Variants in POLR1C observed in about 807,000 individuals in gnomAD.
The protein encoded by POLR1C is DNA-directed RNA polymerases I and III subunit RPAC1.
POLR1C carries 42 observed loss-of-function variants against 38.3 expected under a neutral mutation model. The ratio of observed to expected loss-of-function variants is 1.10; its 90% CI spans 0.86 to 1.42. The LOEUF is 1.42. Among genes scored for constraint, POLR1C ranks in the 40% most tolerant of loss-of-function variants. The pLI, the probability that POLR1C is intolerant of heterozygous loss-of-function variation, is 0.00. For synonymous variants in POLR1C, 163 were observed against 163.9 expected (o/e 0.99, Z 0.04); for missense variants, 507 against 450.5 (o/e 1.13, Z -1.14).
intron 9 of POLR1C, among the ~76,000 whole-genome samples, chr6:43,536,546 C>G (rs570601146): frequency 6.6e-6 from 1 of 151,542 alleles, no homozygotes; most frequent in African/African-American, 2.4e-5. Context: ...ATCACGAGGT[C>G]AGGAGTTCAA....
chr6:43,534,726 G>A (rs968693377), intron 9 of POLR1C, among the ~76,000 whole-genome samples: 5 of 152,106 alleles, frequency 3.3e-5, no homozygotes, highest in Non-Finnish European at 7.3e-5. Context: ...GGCTGGGCTC[G>A]GTGGCTCACG....
chr6:43,533,223 C>CACACAT (rs1327281991), downstream of POLR1C: 2 of 109,018 alleles, frequency 1.8e-5, no homozygotes, highest in Non-Finnish European at 3.4e-5. Context: ...TACACACACA[C>CACACAT]ACACACACAC....
Position 43,546,954 on chromosome 6 carries a change from A to G in POLR1C, c.*5-4014A>G, listed in dbSNP as rs75052393. 9.1e-3 allele frequency among the ~76,000 whole-genome samples: 1,385 copies of G among 152,278 alleles called. 21 individuals carry two copies. The highest frequency in any genetic ancestry group is 0.032 in the African/African-American group (1,341 of 41,558). ...TCCTCTCACTGCCATTTTCAGGGCC[A>G]GTGGTAGGCTCTGGAAACTTCCCTT... On this transcript the variant is annotated intron_variant, in intron 9 of 10. Coordinates refer to the POLR1C transcript ENST00000607635.
exon 11 of POLR1C, chr6:43,562,233 A>C (rs1290898890): frequency 6.3e-7 from 1 of 1,594,832 alleles, no homozygotes; most frequent in Non-Finnish European, 8.5e-7. Context: ...TCCAGAAAGC[A>C]AACACTAGCT....
chr6:43,540,261 C>G (rs903145510), intron 9 of POLR1C, among the ~76,000 whole-genome samples: 1 of 152,132 alleles, frequency 6.6e-6, no homozygotes, highest in Non-Finnish European at 1.5e-5. Flanking sequence ...GGGCGGATCA[C>G]GAGGTCAGGA....
chr6:43,517,185 C>G lies in POLR1C; in HGVS notation c.69+7C>G. ...GGAGTTTGGGGTTCGCAATGTAAGC[C>G]TTGTGGCCTTGAGCTCGGGCGGGAG... is the stretch of plus-strand genomic sequence containing the variant. On this transcript the variant is annotated splice_region_variant and intron_variant, in intron 1 of 8. Transcript: ENST00000642195. 6.2e-7 allele frequency: 1 copy of G among 1,614,010 alleles called. No individual in the cohort carries two copies. Among genetic ancestry groups the G allele is most frequent in the African/African-American group, 1.3e-5 (1 of 75,022 alleles).
chr6:43,525,254 GCA>G (rs748690251), downstream of POLR1C: 12 of 1,535,736 alleles, frequency 7.8e-6, no homozygotes, highest in South Asian at 8.4e-5. Flanking sequence ...GGAAAAAGAA[GCA>G]CAGTTTTCTC....
chr6:43,546,475 T>A, intron 9 of POLR1C: 1 of 1,223,310 alleles, frequency 8.2e-7, no homozygotes. Context: ...CCCTCATTAA[T>A]ACCACTAAGA....
At chr6:43,544,721 T>G (rs570379228) in intron 9 of POLR1C, among the ~76,000 whole-genome samples, 3 of 152,302 alleles carry the variant, frequency 2.0e-5, no homozygotes, top group Non-Finnish European at 4.4e-5. Context: ...GAGACCAGCC[T>G]GGGCAACATG....
downstream of POLR1C, chr6:43,530,912 A>G: frequency 6.8e-7 from 1 of 1,470,770 alleles, no homozygotes; most frequent in Non-Finnish European, 9.0e-7. Context: ...TTTCTAGCCT[A>G]CAATAAGGTT....
At chr6:43,556,712 G>C (rs1047276303) in intron 10 of POLR1C, among the ~76,000 whole-genome samples, 1 of 151,918 alleles carries the variant, frequency 6.6e-6, no homozygotes, top group South Asian at 2.1e-4. Context: ...ACAAAACCTT[G>C]TATATAAATG....
At chr6:43,520,848 C>G (rs868788788) in intron 7 of POLR1C, 74 bp downstream of exon 7, 21 of 1,599,690 alleles carry the variant, frequency 1.3e-5, no homozygotes, top group African/African-American at 2.7e-5. Flanking sequence ...AATAAAAACC[C>G]TGGGCTCCTA....
Position 43,520,395 on chromosome 6 carries a change from T to C in POLR1C, c.623T>C (p.Ile208Thr), listed in dbSNP as rs754487302. The part of the protein sequence containing the change: ...LIAQLRPGQE[I>T]DLLMHCVKGI... ...GCTCAGCTGCGGCCTGGCCAAGAAA[T>C]TGACCTGCTCATGCACTGTGTCAAG... Residue 208 changes from isoleucine (I) to threonine (T), a missense_variant, in exon 6 of 9, where the codon ATT becomes ACT. By Grantham distance (89) the Ile-to-Thr change is moderately conservative. Transcript: ENST00000642195. 4 of 1,613,852 alleles carry C rather than the reference T, an allele frequency of 2.5e-6. No homozygotes were observed. The South Asian group carries it at 4.4e-5, about 18-fold the overall frequency.
chr6:43,540,049 G>C (rs1372640842), intron 9 of POLR1C, among the ~76,000 whole-genome samples: 3 of 152,360 alleles, frequency 2.0e-5, no homozygotes, highest in African/African-American at 7.2e-5. Context: ...GAGATCAGGA[G>C]TTTGAGAACC....
At chr6:43,551,530 C>T in intron 10 of POLR1C, 1 of 1,551,768 alleles carries the variant, frequency 6.4e-7, no homozygotes, top group South Asian at 1.2e-5. Context: ...ATTTTATTTT[C>T]ATCTTTTAAA....
At position 43,520,679 on chromosome 6, in the gene POLR1C, C is replaced by T. The variant is rs1163648316; in HGVS notation, c.710C>T (p.Pro237Leu). 1.2e-6 allele frequency: 2 copies of T among 1,614,042 alleles called. No individual in the cohort carries two copies. The highest frequency in any genetic ancestry group is 2.2e-5 in the East Asian group (1 of 44,894). Residue 237 changes from proline to leucine, a missense_variant, in exon 7 of 9, where the codon CCA (proline) becomes CTA (leucine). Coordinates refer to ENST00000642195, the MANE Select transcript of POLR1C (RefSeq NM_203290.4). ...GCAACAGCCAGTTACAGGCTCCTGC[C>T]AGACATCACCCTGCTTGAGCCCGTG... is the stretch of plus-strand genomic sequence containing the variant. ...PVATASYRLL[P>L]DITLLEPVEG...
At chr6:43,546,194 T>C (rs1265510622) in intron 9 of POLR1C, among the ~76,000 whole-genome samples, 1 of 152,210 alleles carries the variant, frequency 6.6e-6, no homozygotes, top group Non-Finnish European at 1.5e-5. Flanking sequence ...GAATACCACC[T>C]AGACAAGCAT....
chr6:43,543,673 A>AT (rs111929412), intron 9 of POLR1C, among the ~76,000 whole-genome samples: 4,909 of 149,810 alleles, frequency 0.033, 259 homozygotes, highest in African/African-American at 0.11. Context: ...AATTTATTTA[A>AT]TTTTTTTTTT....
chr6:43,529,427 G>A (rs948512090), exon 9 of POLR1C: 5 of 337,278 alleles, frequency 1.5e-5, no homozygotes, highest in Admixed American at 4.4e-5. Context: ...GGGGGCGAGC[G>A]CCTGTAGTCC....
Sources: allele counts gnomAD v4.1 joint callset (sites outside exome capture counted in the v4.1 genomes callset), GRCh38; gene constraint gnomAD v4.1.1; transcripts MANE v1.5; gene names NCBI Gene and HGNC (gene_info 2026-07-23, HGNC 2026-07-21).